TMEFF2: variants seen among roughly 807,000 people sequenced by gnomAD.
TMEFF2 encodes the protein transmembrane protein with EGF like and two follistatin like domains 2.
A neutral mutation model predicts 53.8 loss-of-function variants in TMEFF2; 28 were observed. The observed-to-expected ratio is 0.52, with a 90% confidence interval of 0.39 to 0.71. The LOEUF is 0.71. TMEFF2 is among the 30% of genes least tolerant of loss of function. TMEFF2 has a pLI of 0.00. For synonymous variants in TMEFF2, 162 were observed against 166.3 expected, an observed-to-expected ratio of 0.97 and a Z score of 0.20; for missense variants, 353 against 455.2, an observed-to-expected ratio of 0.78 and a Z score of 2.04.
intron 4 of TMEFF2, among the ~76,000 whole-genome samples, chr2:192,126,141 C>T (rs1166791442): frequency 6.6e-6 from 1 of 152,096 alleles, no homozygotes; most frequent in East Asian, 1.9e-4. Context: ...AGATAAAAAG[C>T]ACATGTATCA....
At chr2:192,079,436 A>G (rs1688504468) in intron 4 of TMEFF2, among the ~76,000 whole-genome samples, 1 of 152,216 alleles carries the variant, frequency 6.6e-6, no homozygotes, top group South Asian at 2.1e-4. Flanking sequence ...TACATTTGTT[A>G]CAATGACTAT....
At chr2:191,955,551 A>G (rs1692054459) in intron 8 of TMEFF2, among the ~76,000 whole-genome samples, 2 of 11,578 alleles carry the variant, frequency 1.7e-4, no homozygotes, top group South Asian at 7.9e-3. Flanking sequence ...TTTTTTTTAG[A>G]GATAGGATCT....
chr2:192,047,145 T>C (rs1687642547), intron 5 of TMEFF2, among the ~76,000 whole-genome samples: 2 of 152,186 alleles, frequency 1.3e-5, no homozygotes, highest in Non-Finnish European at 2.9e-5. Flanking sequence ...GGTCACAAAC[T>C]CCTGAGCTTG....
chr2:192,123,761 G>T (rs1689614108), intron 4 of TMEFF2, among the ~76,000 whole-genome samples: 1 of 152,128 alleles, frequency 6.6e-6, no homozygotes, highest in Non-Finnish European at 1.5e-5. Context: ...AAACCATGAT[G>T]ATGTTTTGAA....
chr2:192,142,188 T>G (rs1485131779), intron 4 of TMEFF2, among the ~76,000 whole-genome samples: 3 of 152,146 alleles, frequency 2.0e-5, no homozygotes, highest in Non-Finnish European at 2.9e-5. Context: ...TGGCACTCTG[T>G]GAACGTTAGG....
chr2:192,119,443 T>A (rs990961867), intron 4 of TMEFF2, among the ~76,000 whole-genome samples: 1 of 152,194 alleles, frequency 6.6e-6, no homozygotes, highest in African/African-American at 2.4e-5. Context: ...CATGAGCATA[T>A]GATTTTAGTT....
intron 4 of TMEFF2, among the ~76,000 whole-genome samples, chr2:192,123,605 T>C (rs1689610452): frequency 6.6e-6 from 1 of 152,242 alleles, no homozygotes; most frequent in Non-Finnish European, 1.5e-5. Context: ...TTGACTTTGC[T>C]GCCTTGGCAC....
chr2:191,964,398 C>CTCTTTCTTTCTT (rs58502767), intron 7 of TMEFF2, among the ~76,000 whole-genome samples: 24 of 51,760 alleles, frequency 4.6e-4, no homozygotes, highest in Admixed American at 7.4e-4. Flanking sequence ...TTCTTTCTTT[C>CTCTTTCTTTCTT]TCTTTCTTTC....
intron 4 of TMEFF2, among the ~76,000 whole-genome samples, chr2:192,125,558 A>T (rs13015626): frequency 0.15 from 22,387 of 152,202 alleles, 2,388 homozygotes; most frequent in African/African-American, 0.28. Context: ...TAAAGTATTT[A>T]AGAGAAAGCA....
chr2:192,088,201 T>C (rs1688709164), intron 4 of TMEFF2, among the ~76,000 whole-genome samples: 2 of 152,108 alleles, frequency 1.3e-5, no homozygotes, highest in Admixed American at 1.3e-4. Flanking sequence ...TATTTTTTTT[T>C]TTCTAGCACA....
intron 6 of TMEFF2, 129 bp from the exon 7 acceptor site, chr2:191,998,450 C>CTA: frequency 1.7e-6 from 1 of 581,442 alleles, no homozygotes; most frequent in Non-Finnish European, 2.9e-6. Flanking sequence ...TTCTAAGCAA[C>CTA]CTGCATCATA....
intron 4 of TMEFF2, among the ~76,000 whole-genome samples, chr2:192,139,945 C>T (rs1482962117): frequency 6.6e-6 from 1 of 152,152 alleles, no homozygotes; most frequent in Non-Finnish European, 1.5e-5. Flanking sequence ...TTCAGTTCAA[C>T]ACTTTTTTTC....
At position 192,125,903 on chromosome 2, in the gene TMEFF2, G is replaced by A. The variant is rs886919496; in HGVS notation, c.439+53765C>T. On this transcript the variant is annotated intron_variant, in intron 4 of 9. Transcript: ENST00000272771. ...ATGGCGGGAGGGCAAGCATCAGGAA[G>A]AATAGCTAATGATGCTGGGCTTAAC... Among the ~76,000 whole-genome samples the A allele has an allele frequency of 2.0e-5, 3 of 152,312 alleles. No individual in the cohort carries two copies. In the East Asian group the frequency reaches 5.8e-4, roughly 29 times the overall value.
chr2:192,084,764 G>A (rs1365437578), intron 4 of TMEFF2, among the ~76,000 whole-genome samples: 1 of 152,114 alleles, frequency 6.6e-6, no homozygotes, highest in African/African-American at 2.4e-5. Context: ...ATGACAAAAA[G>A]CATTTTAAAA....
intron 4 of TMEFF2, among the ~76,000 whole-genome samples, chr2:192,105,174 T>G (rs1316590706): frequency 6.6e-6 from 1 of 152,110 alleles, no homozygotes; most frequent in East Asian, 1.9e-4. Flanking sequence ...AAGCTGTGTT[T>G]TTTCCCCAAA....
At chr2:192,059,597 C>G (rs1310732994) in intron 4 of TMEFF2, among the ~76,000 whole-genome samples, 1 of 152,172 alleles carries the variant, frequency 6.6e-6, no homozygotes, top group Non-Finnish European at 1.5e-5. Flanking sequence ...CCTTAATGAA[C>G]AGTGATGGCC....
At chr2:191,979,828 A>G (rs1302970236) in intron 7 of TMEFF2, among the ~76,000 whole-genome samples, 1 of 149,266 alleles carries the variant, frequency 6.7e-6, no homozygotes, top group East Asian at 1.9e-4. Context: ...TGATTAATAT[A>G]TATCTATATA....
intron 4 of TMEFF2, among the ~76,000 whole-genome samples, chr2:192,165,306 T>C (rs2106016417): frequency 6.6e-6 from 1 of 152,284 alleles, no homozygotes; most frequent in East Asian, 1.9e-4. Flanking sequence ...CACTACCTGA[T>C]GTTGCATAAA....
At chr2:192,129,614 G>T (rs983650058) in intron 4 of TMEFF2, among the ~76,000 whole-genome samples, 2 of 152,168 alleles carry the variant, frequency 1.3e-5, no homozygotes, top group African/African-American at 4.8e-5. Context: ...AAATAGTGCA[G>T]CATAGAATTA....
Sources: gnomAD v4.1 joint callset for allele counts (sites outside exome capture counted in the v4.1 genomes callset) on GRCh38, gnomAD v4.1.1 for gene constraint, MANE v1.5 for transcripts, NCBI Gene and HGNC (gene_info 2026-07-23, HGNC 2026-07-21) for gene names.